CASKIN1: variants seen among roughly 807,000 people sequenced by gnomAD.
CASKIN1 encodes caskin-1.
In CASKIN1, 42 loss-of-function variants were observed where a neutral mutation model predicts 117.5. That is an observed-to-expected ratio of 0.36 (90% CI 0.28 to 0.46). The LOEUF is 0.46. CASKIN1 is among the 20% of genes least tolerant of loss of function. The pLI is 1.00. For missense variants in CASKIN1, 2,083 were observed against 2,077.3 expected, an observed-to-expected ratio of 1.00 and a Z score of -0.05; for synonymous variants, 1,148 against 961.7, an observed-to-expected ratio of 1.19 and a Z score of -3.59.
At position 2,180,746 on chromosome 16, in the gene CASKIN1, C is replaced by T; in HGVS notation, c.2622G>A (p.Gly874=). ...GGCTGTGGGCCCGCTTCTTGGGCCG[C>T]CCCGGCTCCGCGTCGGCCTCAGGGG... ...CLPPEADAEP[G]RPKKRAHSLN... Residue 874 remains glycine, a synonymous_variant, in exon 18 of 20, where the codon GGG becomes GGA. Transcript: ENST00000343516. 6.9e-7 allele frequency: 1 copy of T among 1,440,152 alleles called. No homozygotes were observed. The highest frequency in any genetic ancestry group is 9.1e-7 in the Non-Finnish European group (1 of 1,104,540). 89.2% of individuals were successfully genotyped at this position (1,440,152 alleles called of 1,614,324 possible).
chr16:2,189,612 AC>A, intron 3 of CASKIN1, 48 bp from the exon 4 acceptor site: 2 of 1,542,244 alleles, frequency 1.3e-6, no homozygotes, highest in Non-Finnish European at 1.7e-6. Flanking sequence ...CCCAAACCCA[AC>A]CCTGGAGGAT....
In CASKIN1 at chr16:2,179,578, C is replaced by T; in HGVS notation, c.3775+15G>A. 7.0e-7 allele frequency: 1 copy of T among 1,434,782 alleles called. No homozygotes were observed. The highest frequency in any genetic ancestry group is 1.5e-5 in the South Asian group (1 of 67,482). 88.9% of individuals were successfully genotyped at this position (1,434,782 alleles called of 1,614,324 possible). Reference sequence around the variant, plus strand: ...AGGGTCCTGTTGCCCCTTCACCCCACCCTGGCTGGCCTACCTGGGCTGCCA... The same window carrying T: ...AGGGTCCTGTTGCCCCTTCACCCCATCCTGGCTGGCCTACCTGGGCTGCCA... On this transcript the variant is annotated intron_variant, in intron 18 of 19. Transcript: ENST00000343516. The surrounding 1 kb of genome is among the most constrained non-coding windows in gnomAD (Gnocchi z 5.8).
chr16:2,178,688 T>C (rs752505534), intron 19 of CASKIN1, 42 bp from the exon 20 acceptor site: 122 of 1,514,264 alleles, frequency 8.1e-5, no homozygotes, highest in Middle Eastern at 4.7e-4. Flanking sequence ...GCGGGGCGGG[T>C]CTGGCCACGC....
intron 10 of CASKIN1, among the ~76,000 whole-genome samples, chr16:2,186,221 G>A (rs1461884708): frequency 3.3e-5 from 5 of 152,102 alleles, no homozygotes; most frequent in Non-Finnish European, 7.4e-5. Flanking sequence ...CTCTAGCCTC[G>A]GCCTCCCAAA....
chr16:2,181,671 C>A, intron 17 of CASKIN1, 72 bp from the exon 18 acceptor site: 1 of 391,346 alleles, frequency 2.6e-6, no homozygotes, highest in Non-Finnish European at 3.8e-6. Context: ...AGGGGCGGGG[C>A]TGGGCTGGGC....
chr16:2,194,340 C>G (rs1351965680), intron 1 of CASKIN1, among the ~76,000 whole-genome samples: 2 of 152,164 alleles, frequency 1.3e-5, no homozygotes, highest in Non-Finnish European at 2.9e-5. Flanking sequence ...GCTCCTCTTC[C>G]CCTCAAGGAC....
In CASKIN1 at chr16:2,182,062, G is replaced by A. The variant is rs1228582098; in HGVS notation, c.1630-133C>T. 3.2e-6 allele frequency: 4 copies of A among 1,263,408 alleles called. No homozygotes were observed. The highest frequency in any genetic ancestry group is 4.4e-6 in the Non-Finnish European group (4 of 905,822). The allele number at this position is 1,263,408 out of a possible 1,614,324, so 78.3% of individuals were successfully genotyped here. On this transcript the variant is annotated intron_variant, in intron 16 of 19. Transcript: ENST00000343516. This position sits in a 1 kb window ranked among gnomAD's most constrained non-coding sequence, Gnocchi z 4.1. Reference sequence around the variant, plus strand: ...ACAGGAGGACAAACGGATAGGCCGAGGTATTGGCACCAGAAATGTAGGCAG... The same window carrying A: ...ACAGGAGGACAAACGGATAGGCCGAAGTATTGGCACCAGAAATGTAGGCAG...
chr16:2,187,807 G>T (rs1388643929), intron 6 of CASKIN1, among the ~76,000 whole-genome samples: 1 of 151,698 alleles, frequency 6.6e-6, no homozygotes, highest in African/African-American at 2.4e-5. Flanking sequence ...TTTTAGTAGA[G>T]ACGGGGTTTC....
intron 13 of CASKIN1, 40 bp from the exon 14 acceptor site, chr16:2,184,908 T>G: frequency 6.3e-7 from 1 of 1,579,738 alleles, no homozygotes; most frequent in Non-Finnish European, 8.6e-7. Flanking sequence ...GCTGTCGGGC[T>G]GCTTTCCTCC....
At position 2,177,760 on chromosome 16, in the gene CASKIN1, C is replaced by T. The variant is rs967376579; in HGVS notation, c.*790G>A. ...ACCCACCCGCGCCCTGGGACGCAGCCACGCCAGGAGGAGGACACGGCCGCC... is the reference window on the plus strand; with the variant it reads ...ACCCACCCGCGCCCTGGGACGCAGCTACGCCAGGAGGAGGACACGGCCGCC... On this transcript the variant is annotated 3_prime_UTR_variant, in exon 20 of 20. Coordinates refer to ENST00000343516, the MANE Select transcript of CASKIN1 (RefSeq NM_020764.4). 1 of 244,202 alleles carries T rather than the reference C, an allele frequency of 4.1e-6. No homozygotes were observed. Among genetic ancestry groups the T allele is most frequent in the African/African-American group, 2.2e-5 (1 of 45,074 alleles). 15.1% of individuals were successfully genotyped at this position (244,202 alleles called of 1,614,324 possible).
At chr16:2,195,257 T>C (rs939484422) in intron 1 of CASKIN1, among the ~76,000 whole-genome samples, 1 of 150,760 alleles carries the variant, frequency 6.6e-6, no homozygotes, top group Non-Finnish European at 1.5e-5. Context: ...GGGGAGGGGG[T>C]CCTCCTGGGA....
rs1257000972 is a variant in CASKIN1 at position 2,181,035 on chromosome 16, TG to T, written c.2332del (p.Gln778ArgfsTer27). ...PPGTSHFTPP[Q>X]TPTKTRPGSP... ...GCCTGGTCGGGTTTTGGTGGGCGTCTGGGGGGGCGTGAAGTGGCTAGTGCCT... is the reference window on the plus strand; with the variant it reads ...GCCTGGTCGGGTTTTGGTGGGCGTCTGGGGGGCGTGAAGTGGCTAGTGCCT... On this transcript the variant is annotated frameshift_variant, in exon 18 of 20. Coordinates refer to ENST00000343516, the MANE Select transcript of CASKIN1 (RefSeq NM_020764.4). LOFTEE classifies it high-confidence loss of function. The T allele has an allele frequency of 6.7e-6, 10 of 1,484,796 alleles. No individual in the cohort carries two copies. The highest frequency in any genetic ancestry group is 2.6e-5 in the Admixed American group (1 of 38,654). 92.0% of individuals were successfully genotyped at this position (1,484,796 alleles called of 1,614,324 possible).
At chr16:2,193,316 C>G (rs1014800678) in intron 1 of CASKIN1, among the ~76,000 whole-genome samples, 1 of 152,232 alleles carries the variant, frequency 6.6e-6, no homozygotes, top group African/African-American at 2.4e-5. Context: ...CATGCCCGGC[C>G]TGAAATTCTT....
rs370923581 is a variant in CASKIN1 at position 2,178,661 on chromosome 16, G to A, written c.4200-15C>T. 43 of 1,581,504 alleles carry A rather than the reference G, an allele frequency of 2.7e-5. No individual in the cohort carries two copies. In the South Asian group the frequency reaches 4.5e-4, roughly 17 times the overall value. ...CCGCCGAGTCGCTGCGGGGCGCGGG[G>A]CAAGGGGCGTGAGTGGGCGGGGCGG... On this transcript the variant is annotated splice_polypyrimidine_tract_variant and intron_variant, in intron 19 of 19. Coordinates refer to ENST00000343516, the MANE Select transcript of CASKIN1 (RefSeq NM_020764.4).
Position 2,179,219 on chromosome 16 carries a change from G to A in CASKIN1, c.3882C>T (p.Ser1294=). 3 of 1,178,122 alleles carry A rather than the reference G, an allele frequency of 2.5e-6. No individual in the cohort carries two copies. Among genetic ancestry groups the A allele is most frequent in the South Asian group, 4.2e-5 (1 of 23,902 alleles). The allele number at this position is 1,178,122 out of a possible 1,614,324, so 73.0% of individuals were successfully genotyped here. A position where few individuals can be genotyped will look rare whatever the true frequency, so the allele number is the denominator to read the frequency against. ...VKAVAGLPSG[S]AGPSPAPSPA... is the part of the protein sequence containing the mutation. ...GCGAGGGTGCGGGTGAAGGGCCGGC[G>A]CTGCCCGAAGGCAGCCCCGCGACCG... Residue 1294 remains serine, a synonymous_variant, in exon 19 of 20, where the codon AGC becomes AGT. Transcript: ENST00000343516. The surrounding 1 kb of genome is among the most constrained non-coding windows in gnomAD (Gnocchi z 5.8).
Position 2,179,543 on chromosome 16 carries a change from G to A in CASKIN1, c.3775+50C>T, listed in dbSNP as rs2093159141. The stretch of plus-strand genomic sequence containing the variant: ...AAAACCCCTCAGACCACCGAGTAAG[G>A]AGGTGGAGCAGGGTCCTGTTGCCCC... On this transcript the variant is annotated intron_variant, in intron 18 of 19. Transcript: ENST00000343516. This position sits in a 1 kb window ranked among gnomAD's most constrained non-coding sequence, Gnocchi z 5.8. The A allele has an allele frequency of 6.4e-6, 9 of 1,407,176 alleles. No individual in the cohort carries two copies. In the Admixed American group the frequency reaches 1.8e-4, roughly 29 times the overall value. The allele number at this position is 1,407,176 out of a possible 1,614,324, so 87.2% of individuals were successfully genotyped here.
At chr16:2,189,387 C>A in intron 4 of CASKIN1, 32 bp downstream of exon 4, 1 of 1,609,564 alleles carries the variant, frequency 6.2e-7, no homozygotes, top group Non-Finnish European at 8.5e-7. Flanking sequence ...CGCTGCCCCG[C>A]CCCCGCTGCC....
Position 2,187,012 on chromosome 16 carries a change from G to C in CASKIN1, c.896C>G (p.Thr299Ser), listed in dbSNP as rs1442591378. Residue 299 changes from threonine to serine, a missense_variant, in exon 9 of 20, where the codon ACC becomes AGC. Thr to Ser is a moderately conservative substitution (Grantham distance 58). This residue lies in a region of CASKIN1 where 1,818 missense variants were observed against 1,688.9 expected (regional missense o/e 1.08). Transcript: ENST00000343516. ...GTCCCCTGCCTTCACGTTGAGGCTG[G>C]TCAGGTCGTAATTGTTGCAATAATC... ...TKDYCNNYDL[T>S]SLNVKAGDII... The C allele has an allele frequency of 1.2e-5, 19 of 1,613,700 alleles. No individual in the cohort carries two copies. Among genetic ancestry groups the C allele is most frequent in the Non-Finnish European group, 1.5e-5 (18 of 1,179,940 alleles).
At position 2,177,891 on chromosome 16, in the gene CASKIN1, G is replaced by A; in HGVS notation, c.*659C>T. ...GCCCCCGGGCCCCAGCCTTCCACCTGTGCTAGCAGCCTGGGGCCTCCACTC... is the reference window on the plus strand; with the variant it reads ...GCCCCCGGGCCCCAGCCTTCCACCTATGCTAGCAGCCTGGGGCCTCCACTC... On this transcript the variant is annotated 3_prime_UTR_variant, in exon 20 of 20. Transcript: ENST00000343516. The A allele has an allele frequency of 3.2e-6, 1 of 316,492 alleles. No homozygotes were observed. The highest frequency in any genetic ancestry group is 6.0e-6 in the Non-Finnish European group (1 of 167,204). 19.6% of individuals were successfully genotyped at this position (316,492 alleles called of 1,614,324 possible).
Sources: allele counts gnomAD v4.1 joint callset (sites outside exome capture counted in the v4.1 genomes callset), GRCh38; gene constraint gnomAD v4.1.1; regional missense constraint gnomAD v4.1.1; non-coding constraint Gnocchi (gnomAD v3.1); transcripts MANE v1.5; gene names NCBI Gene and HGNC (gene_info 2026-07-23, HGNC 2026-07-21).